TP73: variants seen among roughly 807,000 people sequenced by gnomAD.
TP73 encodes the protein tumor protein p73.
Under a neutral mutation model 62.5 loss-of-function variants are expected in TP73, and 25 were observed. The observed-to-expected ratio is 0.40, with a 90% confidence interval of 0.29 to 0.56. The LOEUF (loss-of-function observed/expected upper bound fraction) is 0.56. Among genes scored for constraint, TP73 ranks in the 20% least tolerant of loss-of-function variants. The pLI is 0.46. For missense variants in TP73, 754 were observed against 913.3 expected (o/e 0.83, Z 2.25); for synonymous variants, 423 against 377.5 (o/e 1.12, Z -1.40).
intron 3 of TP73, among the ~76,000 whole-genome samples, chr1:3,706,911 G>T (rs773686432): frequency 1.8e-4 from 27 of 152,150 alleles, no homozygotes; most frequent in Non-Finnish European, 3.8e-4. Flanking sequence ...TGAGCGTGGA[G>T]CGGCCTTTCC....
chr1:3,677,850 C>G (rs1122639), intron 1 of TP73, among the ~76,000 whole-genome samples: 1 of 151,746 alleles, frequency 6.6e-6, no homozygotes, highest in African/African-American at 2.4e-5. Flanking sequence ...CATGCCATCA[C>G]GCCCTCATGC....
chr1:3,677,278 T>C (rs1415219986), intron 1 of TP73, among the ~76,000 whole-genome samples: 1 of 152,148 alleles, frequency 6.6e-6, no homozygotes, highest in African/African-American at 2.4e-5. Context: ...CCAAGCAGGC[T>C]GAGGTCTGGG....
At chr1:3,668,274 C>T (rs1645164794) in intron 1 of TP73, among the ~76,000 whole-genome samples, 1 of 152,194 alleles carries the variant, frequency 6.6e-6, no homozygotes, top group Non-Finnish European at 1.5e-5. Context: ...GCCATCTCCC[C>T]TCCTGGAGCC....
intron 7 of TP73, 88 bp downstream of exon 7, chr1:3,727,312 G>A: frequency 1.5e-6 from 2 of 1,295,238 alleles, no homozygotes; most frequent in Non-Finnish European, 2.2e-6. Flanking sequence ...AGACCTGCAG[G>A]CCAAGGCTAG....
In TP73 at chr1:3,733,074, C is replaced by A. The variant is rs1366394683; in HGVS notation, c.1906C>A (p.His636Asn). ...IKEEFTEAEI[H>N] ...GGAGGAGTTCACGGAGGCCGAGATC[C>A]ACTGAGGGCCTCGCCTGGCTGCAGC... The change falls in exon 14 of 14, where the codon CAC becomes AAC. Residue 636 changes from histidine (H) to asparagine (N), a missense_variant. Physicochemically the swap from His to Asn is moderately conservative, Grantham distance 68 (BLOSUM62 1). This residue lies in a region of TP73 where 458 missense variants were observed against 528.7 expected (regional missense o/e 0.87). Coordinates refer to ENST00000378295, the MANE Select transcript of TP73 (RefSeq NM_005427.4). The A allele has an allele frequency of 1.3e-6, 2 of 1,531,512 alleles. No homozygotes were observed. The highest frequency in any genetic ancestry group is 1.8e-6 in the Non-Finnish European group (2 of 1,142,434). The allele number at this position is 1,531,512 out of a possible 1,614,324, so 94.9% of individuals were successfully genotyped here. A position where few individuals can be genotyped will look rare whatever the true frequency, so the allele number is the denominator to read the frequency against.
In TP73 at chr1:3,733,272, G is replaced by A. The variant is rs761640742; in HGVS notation, c.*193G>A. The A allele has an allele frequency of 2.4e-4, 165 of 677,732 alleles. No individual in the cohort carries two copies. Among genetic ancestry groups the A allele is most frequent in the Non-Finnish European group, 3.8e-4 (156 of 409,164 alleles). 42.0% of individuals were successfully genotyped at this position (677,732 alleles called of 1,614,324 possible). Reference sequence around the variant, plus strand: ...CAGCCACCGAAGCCGCCTGTGGACAGCCTGAGTCACCTGCAGAACCTTCTG... The same window carrying A: ...CAGCCACCGAAGCCGCCTGTGGACAACCTGAGTCACCTGCAGAACCTTCTG... On this transcript the variant is annotated 3_prime_UTR_variant, in exon 14 of 14. Transcript: ENST00000378295.
rs1223375239 is a variant in TP73 at position 3,670,224 on chromosome 1, C to T, written c.-33-12109C>T. On this transcript the variant is annotated intron_variant, in intron 1 of 13. Transcript: ENST00000378295. The surrounding 1 kb of genome is among the most constrained non-coding windows in gnomAD (Gnocchi z 5.9). ...ATGGGGCCAGGGGACCACATGGGCA[C>T]AGGTAAGGCAGGGATGATGATGGGG... 6.6e-6 allele frequency among the ~76,000 whole-genome samples: 1 copy of T among 151,926 alleles called. No individual in the cohort carries two copies. The highest frequency in any genetic ancestry group is 2.4e-5 in the African/African-American group (1 of 41,358).
intron 1 of TP73, among the ~76,000 whole-genome samples, chr1:3,654,886 C>CA (rs1252926978): frequency 6.6e-6 from 1 of 152,206 alleles, no homozygotes; most frequent in African/African-American, 2.4e-5. Context: ...GGATTGATAA[C>CA]ACTGAGCACG....
Position 3,731,532 on chromosome 1 carries a change from C to T in TP73, c.1554C>T (p.Tyr518=). 1 of 1,613,864 alleles carries T rather than the reference C, an allele frequency of 6.2e-7. No homozygotes were observed. The highest frequency in any genetic ancestry group is 8.5e-7 in the Non-Finnish European group (1 of 1,180,030). The part of the protein sequence containing the change: ...YFTSQGLQSI[Y]HLQNLTIEDL... ...CCTCCCAAGGGTTACAGAGCATTTA[C>T]CACCTGCAGAACCTGACCATTGAGG... Residue 518 remains tyrosine, a synonymous_variant, in exon 13 of 14, where the codon TAC becomes TAT. Coordinates refer to ENST00000378295, the MANE Select transcript of TP73 (RefSeq NM_005427.4).
chr1:3,729,554 CAG>C, intron 10 of TP73, 106 bp downstream of exon 10: 13 of 1,579,244 alleles, frequency 8.2e-6, no homozygotes, highest in Non-Finnish European at 1.1e-5. Flanking sequence ...CATCATCTGC[CAG>C]GGACAGGCAG....
chr1:3,694,016 A>C (rs71634356), intron 3 of TP73, among the ~76,000 whole-genome samples: 54 of 2,518 alleles, frequency 0.021, no homozygotes, highest in East Asian at 0.057. Flanking sequence ...AATCCCAGCC[A>C]TGCAGCCTCA....
intron 3 of TP73, among the ~76,000 whole-genome samples, chr1:3,686,082 G>A (rs953319227): frequency 7.2e-5 from 11 of 152,214 alleles, no homozygotes; most frequent in Non-Finnish European, 8.8e-5. Context: ...TGCCCCTGGC[G>A]GCTCCCTCTG....
chr1:3,679,811 CTG>C lies in TP73; in HGVS notation c.-33-2520_-33-2519del, dbSNP rs1394251016. ...TTTGTCTCTCTTTGTCCCTGTCTCT[CTG>C]TCTCTGTCTCTGTCTCTCTTTGTCC... On this transcript the variant is annotated intron_variant, in intron 1 of 13. Transcript: ENST00000378295. 1.2e-3 allele frequency among the ~76,000 whole-genome samples: 87 copies of C among 75,204 alleles called. 2 individuals are homozygous for C. Among genetic ancestry groups the C allele is most frequent in the African/African-American group, 4.6e-3 (86 of 18,604 alleles). The allele number at this position is 75,204 out of a possible 152,430, so 49.3% of individuals were successfully genotyped here.
At chr1:3,729,800 TG>T in intron 10 of TP73, 199 bp from the exon 11 acceptor site, 1 of 837,618 alleles carries the variant, frequency 1.2e-6, no homozygotes, top group South Asian at 1.7e-5. Context: ...GGCCCCGCCA[TG>T]GCCAGTGTCC....
At chr1:3,661,900 A>AT (rs1010502687) in intron 1 of TP73, among the ~76,000 whole-genome samples, 1 of 145,174 alleles carries the variant, frequency 6.9e-6, no homozygotes, top group Admixed American at 6.9e-5. Context: ...TTTATTTTTT[A>AT]TTTTTTTTAA....
chr1:3,726,861 G>A (rs1641679575), intron 6 of TP73, among the ~76,000 whole-genome samples: 1 of 137,476 alleles, frequency 7.3e-6, no homozygotes, highest in African/African-American at 2.6e-5. Flanking sequence ...GGGGTTGGTG[G>A]ATGGATGGAT....
chr1:3,677,813 C>CTGAGATTCTCCCAA lies in TP73; in HGVS notation c.-33-4520_-33-4519insTGAGATTCTCCCAA, dbSNP rs1645408974. The stretch of plus-strand genomic sequence containing the variant: ...GGCTCAAGTGATTCTCCCACCTCAG[C>CTGAGATTCTCCCAA]ACCCTGCGTGGTTTGGACTGCAGGC... On this transcript the variant is annotated intron_variant, in intron 1 of 13. Coordinates refer to ENST00000378295, the MANE Select transcript of TP73 (RefSeq NM_005427.4). 2.0e-5 allele frequency among the ~76,000 whole-genome samples: 3 copies of CTGAGATTCTCCCAA among 152,004 alleles called. No homozygotes were observed. In the South Asian group the frequency reaches 6.2e-4, roughly 32 times the overall value.
In TP73 at chr1:3,671,249, G is replaced by A. The variant is rs562451450; in HGVS notation, c.-33-11084G>A. On this transcript the variant is annotated intron_variant, in intron 1 of 13. Transcript: ENST00000378295. ...GGCGTGGGGTGTGGGAGCTGGGAGC[G>A]TGACGGGAAGCAGCCCCCTCAGACC... Among the ~76,000 whole-genome samples, 9 of 152,312 alleles carry A rather than the reference G, an allele frequency of 5.9e-5. No individual in the cohort carries two copies. The East Asian group carries it at 1.7e-3, about 29-fold the overall frequency.
intron 1 of TP73, among the ~76,000 whole-genome samples, chr1:3,661,716 T>G (rs1364768455): frequency 1.9e-5 from 1 of 53,022 alleles, no homozygotes; most frequent in Non-Finnish European, 3.7e-5. Context: ...CACACATGTA[T>G]TTTGTGTATA....
Sources: gnomAD v4.1 joint callset for allele counts (sites outside exome capture counted in the v4.1 genomes callset) on GRCh38, gnomAD v4.1.1 for gene constraint, gnomAD v4.1.1 regional missense constraint, Gnocchi (gnomAD v3.1) non-coding constraint, MANE v1.5 for transcripts, NCBI Gene and HGNC (gene_info 2026-07-23, HGNC 2026-07-21) for gene names.